The following MAN2A1 variants were observed in gnomAD, a reference collection of about 807,000 sequenced individuals.
MAN2A1 encodes mannosidase alpha class 2A member 1.
Under a neutral mutation model 142.6 loss-of-function variants are expected in MAN2A1, and 76 were observed. That is an observed-to-expected ratio of 0.53 (90% CI 0.44 to 0.65). The LOEUF is 0.65. Ranked by LOEUF, MAN2A1 falls within the 30% of genes least tolerant of loss-of-function variation. MAN2A1 has a pLI of 0.00. For synonymous variants in MAN2A1, 559 were observed against 473.2 expected (o/e 1.18, Z -2.35); for missense variants, 1,311 against 1,365.1 (o/e 0.96, Z 0.62).
At chr5:109,846,641 C>G (rs1024165275) in intron 18 of MAN2A1, among the ~76,000 whole-genome samples, 3 of 152,118 alleles carry the variant, frequency 2.0e-5, no homozygotes, top group African/African-American at 7.2e-5. Context: ...TATCATTGGT[C>G]TTCTTACATT....
At chr5:109,821,531 C>A (rs1754622479) in intron 15 of MAN2A1, among the ~76,000 whole-genome samples, 1 of 152,160 alleles carries the variant, frequency 6.6e-6, no homozygotes, top group Non-Finnish European at 1.5e-5. Context: ...GGTAAATGTT[C>A]AATCCCACCA....
chr5:109,774,728 A>G (rs1753235763), intron 7 of MAN2A1, 60 bp from the exon 8 acceptor site: 3 of 1,273,844 alleles, frequency 2.4e-6, no homozygotes, highest in East Asian at 4.8e-5. Flanking sequence ...CAATTGTCAC[A>G]TTCACTTTTT....
Position 109,814,720 on chromosome 5 carries a change from A to G in MAN2A1, c.1944-2553A>G, listed in dbSNP as rs1392014727. The stretch of plus-strand genomic sequence containing the variant: ...ACCTAGTTCATAGCTTATTATAAAA[A>G]GTGATTTAATAGGGTGCAAAACCAA... On this transcript the variant is annotated intron_variant, in intron 12 of 21. Transcript: ENST00000261483. Among the ~76,000 whole-genome samples the G allele has an allele frequency of 2.0e-5, 3 of 152,258 alleles. No individual in the cohort carries two copies. The East Asian group carries it at 5.8e-4, about 29-fold the overall frequency.
intron 1 of MAN2A1, among the ~76,000 whole-genome samples, chr5:109,699,052 TA>T (rs958000267): frequency 6.6e-6 from 1 of 152,192 alleles, no homozygotes; most frequent in African/African-American, 2.4e-5. Context: ...TCCCAGTTTT[TA>T]AAAAAGTTTT....
At chr5:109,779,982 C>T (rs1033991958) in intron 8 of MAN2A1, among the ~76,000 whole-genome samples, 4 of 152,028 alleles carry the variant, frequency 2.6e-5, no homozygotes, top group Admixed American at 1.3e-4. Flanking sequence ...GTAAATGTTC[C>T]AGTCGCAATT....
intron 8 of MAN2A1, among the ~76,000 whole-genome samples, chr5:109,775,817 C>G (rs1753274883): frequency 6.6e-6 from 1 of 152,102 alleles, no homozygotes; most frequent in South Asian, 2.1e-4. Context: ...TTTTCCTCAT[C>G]TCATAAAAAA....
At chr5:109,781,008 C>G (rs1389590454) in intron 8 of MAN2A1, among the ~76,000 whole-genome samples, 1 of 152,154 alleles carries the variant, frequency 6.6e-6, no homozygotes, top group African/African-American at 2.4e-5. Flanking sequence ...TTGTAGACTT[C>G]TGGAACACTT....
In MAN2A1 at chr5:109,767,861, G is replaced by A. The variant is rs546171806; in HGVS notation, c.1009+153G>A. ...ACTCTCGTAATTATTTTTCCCATGT[G>A]CCTGTGTCAAGATTCTTTTAAGTAA... On this transcript the variant is annotated intron_variant, in intron 6 of 21. Transcript: ENST00000261483. Among the ~76,000 whole-genome samples, 4 of 152,160 alleles carry A rather than the reference G, an allele frequency of 2.6e-5. No homozygotes were observed. The East Asian group carries it at 5.8e-4, about 22-fold the overall frequency.
At position 109,781,516 on chromosome 5, in the gene MAN2A1, C is replaced by T. The variant is rs1351598014; in HGVS notation, c.1495C>T (p.Arg499Ter). 2.5e-6 allele frequency: 4 copies of T among 1,613,060 alleles called. No individual in the cohort carries two copies. Among genetic ancestry groups the T allele is most frequent in the Admixed American group, 1.7e-5 (1 of 59,840 alleles). Reference protein sequence around the residue: ...LSGDFFTYADRDDHYWSGYFT... With the variant: ...LSGDFFTYAD ...TGGAGATTTTTTCACTTATGCCGAT[C>T]GAGATGATCATTACTGGAGTGGCTA... The change falls in exon 9 of 22, where the codon CGA becomes TGA. Residue 499 changes from arginine (R) to a stop codon, truncating the protein, a stop_gained. Coordinates refer to ENST00000261483, the MANE Select transcript of MAN2A1 (RefSeq NM_002372.4). LOFTEE classifies it high-confidence loss of function.
Position 109,714,461 on chromosome 5 carries a change from A to T in MAN2A1, c.390+687A>T, listed in dbSNP as rs925351531. ...TTAATTTCAACTGCTTTGTTTTACTAGAAAATTAAAAATTTGGTTTGTATT... is the reference window on the plus strand; with the variant it reads ...TTAATTTCAACTGCTTTGTTTTACTTGAAAATTAAAAATTTGGTTTGTATT... On this transcript the variant is annotated intron_variant, in intron 2 of 21. Coordinates refer to ENST00000261483, the MANE Select transcript of MAN2A1 (RefSeq NM_002372.4). Among the ~76,000 whole-genome samples the T allele has an allele frequency of 2.3e-4, 35 of 152,352 alleles. No individual in the cohort carries two copies. In the Middle Eastern group the frequency reaches 0.017, roughly 74 times the overall value.
At chr5:109,768,003 C>T (rs1281745117) in intron 6 of MAN2A1, among the ~76,000 whole-genome samples, 3 of 152,168 alleles carry the variant, frequency 2.0e-5, no homozygotes, top group African/African-American at 4.8e-5. Context: ...TTAGAAAGCA[C>T]GTTTTATCAC....
At chr5:109,803,230 G>A (rs911822604) in intron 12 of MAN2A1, among the ~76,000 whole-genome samples, 7 of 152,006 alleles carry the variant, frequency 4.6e-5, no homozygotes, top group South Asian at 2.1e-4. Context: ...CAGATAGATT[G>A]CATTTAAAGT....
chr5:109,856,094 A>T (rs956198133), intron 20 of MAN2A1, among the ~76,000 whole-genome samples: 2 of 152,214 alleles, frequency 1.3e-5, no homozygotes, highest in African/African-American at 4.8e-5. Flanking sequence ...AAAGAACTAA[A>T]GCAATAAAGT....
chr5:109,806,872 G>T (rs1408183759), intron 12 of MAN2A1, among the ~76,000 whole-genome samples: 1 of 152,082 alleles, frequency 6.6e-6, no homozygotes, highest in African/African-American at 2.4e-5. Context: ...GGGATGATAG[G>T]CTCATAATAT....
At chr5:109,756,971 G>A (rs568620024) in intron 5 of MAN2A1, among the ~76,000 whole-genome samples, 1 of 152,286 alleles carries the variant, frequency 6.6e-6, no homozygotes, top group Non-Finnish European at 1.5e-5. Flanking sequence ...CTGGTCAACA[G>A]CACTTCACAC....
At chr5:109,753,492 C>G (rs1215012458) in intron 4 of MAN2A1, among the ~76,000 whole-genome samples, 1 of 152,188 alleles carries the variant, frequency 6.6e-6, no homozygotes, top group Non-Finnish European at 1.5e-5. Context: ...AATGAGTCAT[C>G]ATATTCTCCA....
At chr5:109,718,632 C>T in intron 3 of MAN2A1, among the ~76,000 whole-genome samples, 1 of 152,258 alleles carries the variant, frequency 6.6e-6, no homozygotes, top group Non-Finnish European at 1.5e-5. Flanking sequence ...ATAAATAAGA[C>T]CTCTTTGACC....
chr5:109,754,727 C>T (rs1005657018), intron 4 of MAN2A1, among the ~76,000 whole-genome samples: 2 of 152,186 alleles, frequency 1.3e-5, no homozygotes, highest in African/African-American at 2.4e-5. Flanking sequence ...ATGGGCTGGG[C>T]GTGGTGGCTC....
chr5:109,806,144 G>A (rs1561521460), intron 12 of MAN2A1, among the ~76,000 whole-genome samples: 1 of 152,148 alleles, frequency 6.6e-6, no homozygotes, highest in Admixed American at 6.5e-5. Flanking sequence ...AGAGGCAGGG[G>A]GAGGGTAATG....
Sources: allele counts gnomAD v4.1 joint callset (sites outside exome capture counted in the v4.1 genomes callset), GRCh38; gene constraint gnomAD v4.1.1; transcripts MANE v1.5; gene names NCBI Gene and HGNC (gene_info 2026-07-23, HGNC 2026-07-21).